NFIB: variants seen among roughly 807,000 people sequenced by gnomAD.
NFIB encodes the protein nuclear factor 1 B-type.
NFIB carries 11 observed loss-of-function variants against 61.5 expected under a neutral mutation model. That is an observed-to-expected ratio of 0.18 (90% CI 0.11 to 0.30). The LOEUF (loss-of-function observed/expected upper bound fraction) is 0.30. NFIB is among the 10% of genes least tolerant of loss of function. The pLI, the probability that NFIB is intolerant of heterozygous loss-of-function variation, is 1.00. For missense variants in NFIB, 471 were observed against 608.9 expected, an observed-to-expected ratio of 0.77 and a Z score of 2.38; for synonymous variants, 260 against 216.5, an observed-to-expected ratio of 1.20 and a Z score of -1.76.
intron 1 of NFIB, among the ~76,000 whole-genome samples, chr9:14,368,050 A>C (rs1052934645): frequency 6.6e-6 from 1 of 152,024 alleles, no homozygotes; most frequent in Non-Finnish European, 1.5e-5. Context: ...ATGTACACCT[A>C]TGTACACCAT....
the NFIB span, among the ~76,000 whole-genome samples, chr9:14,523,304 G>T: frequency 1.2e-4 from 19 of 152,176 alleles, no homozygotes; most frequent in South Asian, 3.7e-3. Flanking sequence ...CAAATGGAGT[G>T]CTTTTTAAAC....
chr9:14,333,229 A>C (rs1467323948), intron 1 of NFIB, among the ~76,000 whole-genome samples: 1 of 152,202 alleles, frequency 6.6e-6, no homozygotes, highest in Non-Finnish European at 1.5e-5. Context: ...ATAATCCTAT[A>C]TTACAGGTGT....
Position 14,201,801 on chromosome 9 carries a change from T to TA in NFIB, c.563-22022dup, listed in dbSNP as rs141196920. On this transcript the variant is annotated intron_variant, in intron 2 of 10. Coordinates refer to ENST00000380953, the MANE Select transcript of NFIB (RefSeq NM_001190737.2). ...TCCCAAAAGAAAGACAAAGTAACCT[T>TA]AAAAAAAAAAAGTCATAATGAGCTA... 1.0e-3 allele frequency among the ~76,000 whole-genome samples: 152 copies of TA among 146,828 alleles called. No homozygotes were observed. In the Middle Eastern group the frequency reaches 0.018, roughly 17 times the overall value.
intron 2 of NFIB, among the ~76,000 whole-genome samples, chr9:14,283,355 T>C (rs2058502674): frequency 6.6e-6 from 1 of 152,240 alleles, no homozygotes; most frequent in East Asian, 1.9e-4. Context: ...TGAGAAAAAC[T>C]ATGCAAATCA....
At chr9:14,417,448 G>A in the NFIB span, among the ~76,000 whole-genome samples, 3 of 152,116 alleles carry the variant, frequency 2.0e-5, no homozygotes, top group Non-Finnish European at 2.9e-5. Context: ...TTCTCAGAAC[G>A]TATTCATCGT....
intron 1 of NFIB, among the ~76,000 whole-genome samples, chr9:14,388,257 C>G (rs1280956981): frequency 6.6e-6 from 1 of 151,932 alleles, no homozygotes; most frequent in East Asian, 1.9e-4. Flanking sequence ...CCTGTAGTCC[C>G]AGCTACATGG....
chr9:14,144,351 C>T (rs936232542), intron 6 of NFIB, among the ~76,000 whole-genome samples: 2 of 152,158 alleles, frequency 1.3e-5, no homozygotes, highest in Non-Finnish European at 2.9e-5. Flanking sequence ...CCATTAAAAT[C>T]TTCTCCAGAA....
At chr9:14,436,365 G>A in the NFIB span, among the ~76,000 whole-genome samples, 1 of 152,216 alleles carries the variant, frequency 6.6e-6, no homozygotes, top group Admixed American at 6.5e-5. Context: ...CTGTGAGGCT[G>A]TGTGCCTCAA....
chr9:14,203,042 G>T (rs533079068), intron 2 of NFIB, among the ~76,000 whole-genome samples: 3 of 152,248 alleles, frequency 2.0e-5, no homozygotes, highest in African/African-American at 7.2e-5. Flanking sequence ...GCCTTGCAGG[G>T]GACATTTATC....
intron 2 of NFIB, among the ~76,000 whole-genome samples, chr9:14,254,246 A>T (rs1395174331): frequency 6.6e-6 from 1 of 152,106 alleles, no homozygotes; most frequent in Non-Finnish European, 1.5e-5. Context: ...GGTTGCAGCG[A>T]GCCATGATCA....
intron 2 of NFIB, among the ~76,000 whole-genome samples, chr9:14,304,665 C>T (rs992383207): frequency 2.6e-5 from 4 of 152,116 alleles, no homozygotes; most frequent in South Asian, 2.1e-4. Context: ...ATTTTTCTTT[C>T]GTGTTTTCCT....
At chr9:14,292,156 T>C (rs1237494909) in intron 2 of NFIB, among the ~76,000 whole-genome samples, 1 of 152,224 alleles carries the variant, frequency 6.6e-6, no homozygotes, top group Non-Finnish European at 1.5e-5. Context: ...TAACCTTTCA[T>C]TATTTTTTGA....
chr9:14,265,223 G>A (rs2057097170), intron 2 of NFIB, among the ~76,000 whole-genome samples: 1 of 152,178 alleles, frequency 6.6e-6, no homozygotes, highest in Admixed American at 6.5e-5. Context: ...CTCTATAAAT[G>A]ATGAACAGTA....
At chr9:14,153,949 C>T (rs556848815) in intron 4 of NFIB, among the ~76,000 whole-genome samples, 98 of 152,042 alleles carry the variant, frequency 6.4e-4, no homozygotes, top group African/African-American at 2.0e-3. Context: ...GAATAAATTA[C>T]GTAATGAATA....
chr9:14,438,557 G>T, the NFIB span, among the ~76,000 whole-genome samples: 1 of 152,342 alleles, frequency 6.6e-6, no homozygotes, highest in South Asian at 2.1e-4. Flanking sequence ...GGGAAAGCTG[G>T]AAAGGGGGTG....
At chr9:14,409,456 A>G in the NFIB span, among the ~76,000 whole-genome samples, 1 of 152,164 alleles carries the variant, frequency 6.6e-6, no homozygotes, top group Admixed American at 6.5e-5. Context: ...ACAGTAGGAT[A>G]TCCAGGAATG....
At chr9:14,111,622 C>T (rs1410462309) in intron 10 of NFIB, among the ~76,000 whole-genome samples, 1 of 151,864 alleles carries the variant, frequency 6.6e-6, no homozygotes. Context: ...TCAAATAGAA[C>T]CATATTCTAG....
chr9:14,123,743 C>CAGTTTGCCCCTCTTCCTCTT (rs1303978922), intron 7 of NFIB, among the ~76,000 whole-genome samples: 1 of 152,022 alleles, frequency 6.6e-6, no homozygotes, highest in African/African-American at 2.4e-5. Context: ...CTCTGCCTCC[C>CAGTTTGCCCCTCTTCCTCTT]AGTTTGCCCC....
At chr9:14,505,864 G>T in the NFIB span, among the ~76,000 whole-genome samples, 2 of 152,026 alleles carry the variant, frequency 1.3e-5, no homozygotes, top group Non-Finnish European at 2.9e-5. Flanking sequence ...GAAATTACAC[G>T]TATATCATGA....
Sources: gnomAD v4.1 joint callset for allele counts (sites outside exome capture counted in the v4.1 genomes callset) on GRCh38, gnomAD v4.1.1 for gene constraint, MANE v1.5 for transcripts, NCBI Gene and HGNC (gene_info 2026-07-23, HGNC 2026-07-21) for gene names.